The following ANKS1B variants were observed in gnomAD, a reference collection of about 807,000 sequenced individuals.
ANKS1B encodes ankyrin repeat and sterile alpha motif domain containing 1B.
ANKS1B carries 36 observed loss-of-function variants against 148.3 expected under a neutral mutation model. The observed-to-expected ratio is 0.24, with a 90% confidence interval of 0.19 to 0.32. The LOEUF is 0.32. Ranked by LOEUF, ANKS1B falls within the 10% of genes least tolerant of loss-of-function variation. The pLI is 1.00. For missense variants in ANKS1B, 1,157 were observed against 1,542.6 expected (o/e 0.75, Z 4.19); for synonymous variants, 542 against 560.8 (o/e 0.97, Z 0.47).
chr12:98,778,225 C>T (rs1429670015), intron 24 of ANKS1B, among the ~76,000 whole-genome samples: 1 of 152,140 alleles, frequency 6.6e-6, no homozygotes, highest in Non-Finnish European at 1.5e-5. Flanking sequence ...GCCTGTAATC[C>T]CAGCACTTTG....
chr12:98,863,503 A>T (rs2099609893), intron 17 of ANKS1B, among the ~76,000 whole-genome samples: 1 of 152,208 alleles, frequency 6.6e-6, no homozygotes, highest in Non-Finnish European at 1.5e-5. Flanking sequence ...TTATGGCAAC[A>T]AATTTTTTAA....
chr12:99,111,542 T>C (rs1328242890), intron 15 of ANKS1B, among the ~76,000 whole-genome samples: 1 of 152,050 alleles, frequency 6.6e-6, no homozygotes, highest in Admixed American at 6.6e-5. Context: ...GGTGTTTTTT[T>C]TTTTCATAGC....
chr12:99,043,403 T>A lies in ANKS1B; in HGVS notation c.2778+9754A>T, dbSNP rs146359020. ...TATAGATTAATTCCAGAAGCAGGGA[T>A]TAATACAAAACTGGCAGTGAATAAT... On this transcript the variant is annotated intron_variant, in intron 17 of 26. Coordinates refer to ENST00000683438, the MANE Select transcript of ANKS1B (RefSeq NM_001352186.2). Among the ~76,000 whole-genome samples the A allele has an allele frequency of 7.1e-3, 1,083 of 152,310 alleles. 13 individuals carry two copies. Among genetic ancestry groups the A allele is most frequent in the South Asian group, 0.046 (223 of 4,822 alleles).
intron 25 of ANKS1B, among the ~76,000 whole-genome samples, chr12:98,757,232 G>GACTC (rs2098271854): frequency 6.6e-6 from 1 of 152,128 alleles, no homozygotes; most frequent in Non-Finnish European, 1.5e-5. Context: ...GCTTGGAGAA[G>GACTC]ACTCAAGACC....
chr12:99,037,381 T>TG (rs2099956195), intron 17 of ANKS1B, among the ~76,000 whole-genome samples: 1 of 151,964 alleles, frequency 6.6e-6, no homozygotes, highest in African/African-American at 2.4e-5. Context: ...CTGGGTGTGG[T>TG]GGCGGGTCCC....
chr12:99,523,709 C>T lies in ANKS1B; in HGVS notation c.1273-19068G>A, dbSNP rs370852171. Among the ~76,000 whole-genome samples the T allele has an allele frequency of 3.3e-5, 5 of 151,932 alleles. No individual in the cohort carries two copies. In the South Asian group the frequency reaches 8.4e-4, roughly 25 times the overall value. On this transcript the variant is annotated intron_variant, in intron 9 of 26. Coordinates refer to ENST00000683438, the MANE Select transcript of ANKS1B (RefSeq NM_001352186.2). ...CTGGGACCACAGGCGCCCGCCACCACGCCCGGCTAATTTTTTGTATTTTTA... is the reference window on the plus strand; with the variant it reads ...CTGGGACCACAGGCGCCCGCCACCATGCCCGGCTAATTTTTTGTATTTTTA...
intron 14 of ANKS1B, among the ~76,000 whole-genome samples, chr12:99,173,184 C>T (rs139632098): frequency 1.2e-3 from 183 of 152,162 alleles, no homozygotes; most frequent in African/African-American, 4.0e-3. Flanking sequence ...TTAACTGTTC[C>T]GAAATCTCAT....
intron 14 of ANKS1B, among the ~76,000 whole-genome samples, chr12:99,229,938 T>C (rs1302353767): frequency 6.6e-6 from 1 of 151,970 alleles, no homozygotes; most frequent in African/African-American, 2.4e-5. Context: ...CACTTATATA[T>C]ACTGGAAATA....
chr12:99,084,863 T>A, intron 16 of ANKS1B, 62 bp downstream of exon 16: 3 of 1,317,286 alleles, frequency 2.3e-6, no homozygotes. Flanking sequence ...ACTCCTTGCA[T>A]GCCTGGACTC....
intron 9 of ANKS1B, among the ~76,000 whole-genome samples, chr12:99,641,082 A>G (rs896118371): frequency 1.3e-5 from 2 of 152,230 alleles, no homozygotes; most frequent in Non-Finnish European, 2.9e-5. Flanking sequence ...AACATTGCAC[A>G]TATTAGAATG....
At chr12:98,807,699 T>A (rs1051870502) in intron 20 of ANKS1B, 145 bp downstream of exon 20, 9 of 525,204 alleles carry the variant, frequency 1.7e-5, no homozygotes, top group African/African-American at 1.2e-4. Flanking sequence ...GTAAATGAAG[T>A]ATAATAGACA....
At chr12:99,804,635 T>C (rs1715306890) in intron 4 of ANKS1B, among the ~76,000 whole-genome samples, 1 of 152,178 alleles carries the variant, frequency 6.6e-6, no homozygotes, top group African/African-American at 2.4e-5. Flanking sequence ...GAGCACGCAT[T>C]CCACCTGGAG....
chr12:98,771,162 G>A (rs935255734), intron 25 of ANKS1B, among the ~76,000 whole-genome samples: 3 of 152,094 alleles, frequency 2.0e-5, no homozygotes, highest in Non-Finnish European at 4.4e-5. Context: ...CCATAAGGAT[G>A]TCATTACAAG....
chr12:99,708,449 C>A (rs1224979784), intron 8 of ANKS1B, among the ~76,000 whole-genome samples: 1 of 152,134 alleles, frequency 6.6e-6, no homozygotes, highest in East Asian at 1.9e-4. Context: ...TCTTTCAGCT[C>A]TGGAGGCCAG....
intron 17 of ANKS1B, among the ~76,000 whole-genome samples, chr12:98,871,715 A>G (rs1226495958): frequency 6.6e-6 from 1 of 152,244 alleles, no homozygotes; most frequent in Non-Finnish European, 1.5e-5. Flanking sequence ...TAAAAAAACC[A>G]TATTCTTTAT....
At chr12:99,600,915 T>C (rs2097795160) in intron 9 of ANKS1B, among the ~76,000 whole-genome samples, 4 of 152,064 alleles carry the variant, frequency 2.6e-5, no homozygotes, top group Admixed American at 2.6e-4. Context: ...ACAAATTCCT[T>C]CCTACCTTCT....
At chr12:99,268,231 C>A (rs2076655273) in intron 12 of ANKS1B, among the ~76,000 whole-genome samples, 1 of 152,154 alleles carries the variant, frequency 6.6e-6, no homozygotes, top group African/African-American at 2.4e-5. Flanking sequence ...GATGCACAAA[C>A]TCTATAGACA....
At chr12:99,839,856 T>A (rs1483393753) in intron 1 of ANKS1B, among the ~76,000 whole-genome samples, 7 of 152,154 alleles carry the variant, frequency 4.6e-5, no homozygotes, top group Admixed American at 4.6e-4. Flanking sequence ...TCCTAAGTAA[T>A]TTAGTTCTTT....
chr12:99,648,909 A>C (rs922375650), intron 9 of ANKS1B: 1 of 1,348,878 alleles, frequency 7.4e-7, no homozygotes, highest in African/African-American at 1.5e-5. Context: ...GAAGGTCTGA[A>C]GGCCAAATGA....
Sources: gnomAD v4.1 joint callset for allele counts (sites outside exome capture counted in the v4.1 genomes callset) on GRCh38, gnomAD v4.1.1 for gene constraint, MANE v1.5 for transcripts, NCBI Gene and HGNC (gene_info 2026-07-23, HGNC 2026-07-21) for gene names.